Variants in ADAMTS9 observed in about 807,000 individuals in gnomAD.
ADAMTS9 encodes the protein ADAM metallopeptidase with thrombospondin type 1 motif 9, also known as A disintegrin and metalloproteinase with thrombospondin motifs 9.
Under a neutral mutation model 257.1 loss-of-function variants are expected in ADAMTS9, and 107 were observed. That is an observed-to-expected ratio of 0.42 (90% CI 0.36 to 0.49). The LOEUF (loss-of-function observed/expected upper bound fraction) is 0.49, where lower values mean the gene tolerates loss of function less well. Ranked by LOEUF, ADAMTS9 falls within the 20% of genes least tolerant of loss-of-function variation. The pLI is 0.03. For missense variants in ADAMTS9, 2,353 were observed against 2,469.1 expected, an observed-to-expected ratio of 0.95 and a Z score of 1.00; for synonymous variants, 982 against 880.9, an observed-to-expected ratio of 1.11 and a Z score of -2.03.
intron 19 of ADAMTS9, among the ~76,000 whole-genome samples, chr3:64,619,232 C>T (rs1390477784): frequency 6.6e-6 from 1 of 152,018 alleles, no homozygotes; most frequent in African/African-American, 2.4e-5. Context: ...CTCAACCAGT[C>T]TCGTTCTGAT....
At chr3:64,629,200 T>C (rs553878558) in intron 16 of ADAMTS9, among the ~76,000 whole-genome samples, 4 of 152,294 alleles carry the variant, frequency 2.6e-5, no homozygotes, top group Admixed American at 1.3e-4. Context: ...ACTGCAATGA[T>C]TTCCTAATCA....
intron 10 of ADAMTS9, among the ~76,000 whole-genome samples, chr3:64,648,591 C>A (rs1700854161): frequency 6.6e-6 from 1 of 152,078 alleles, no homozygotes; most frequent in East Asian, 1.9e-4. Flanking sequence ...TTAAAATAAA[C>A]CACACTTATA....
Position 64,546,815 on chromosome 3 carries a change from G to T in ADAMTS9, c.5007C>A (p.Pro1669=). Residue 1669 remains proline, a synonymous_variant, in exon 32 of 40, where the codon CCC becomes CCA. Transcript: ENST00000498707. ...CPGTQPPSVH[P]CYLRDCPVSA... ...AGACAGGGCAGTCCCTCAGGTAACA[G>T]GGGTGAACACTGGGGGGCTGCGTGC... 6.2e-7 allele frequency: 1 copy of T among 1,613,948 alleles called. No homozygotes were observed. Among genetic ancestry groups the T allele is most frequent in the Non-Finnish European group, 8.5e-7 (1 of 1,179,916 alleles).
At chr3:64,631,235 C>A (rs772849048) in intron 16 of ADAMTS9, among the ~76,000 whole-genome samples, 6 of 152,150 alleles carry the variant, frequency 3.9e-5, no homozygotes, top group Non-Finnish European at 5.9e-5. Context: ...AGAGTAAATC[C>A]CTTGATATCA....
At chr3:64,671,807 C>G (rs1701496980) in intron 3 of ADAMTS9, among the ~76,000 whole-genome samples, 1 of 152,140 alleles carries the variant, frequency 6.6e-6, no homozygotes, top group African/African-American at 2.4e-5. Context: ...ACAGAACATC[C>G]ATGCAGATAT....
rs377386119 is a variant in ADAMTS9, at chr3:64,654,428, G to C, written c.1241C>G (p.Pro414Arg). Residue 414 changes from proline (P) to arginine (R), a missense_variant, in exon 8 of 40, where the codon CCC (proline) becomes CGC (arginine). Coordinates refer to ENST00000498707, the MANE Select transcript of ADAMTS9 (RefSeq NM_182920.2). The stretch of plus-strand genomic sequence containing the variant: ...TTCACTAATAGAACAGCTTCTATAG[G>C]GATCACAAATGGTTCCCAGTTCAGC... ...GLAELGTICD[P>R]YRSCSISEDS... The C allele has an allele frequency of 7.0e-5, 113 of 1,613,908 alleles. No homozygotes were observed. The highest frequency in any genetic ancestry group is 8.9e-5 in the Non-Finnish European group (105 of 1,180,006).
At chr3:64,616,568 T>C (rs2084769784) in intron 19 of ADAMTS9, among the ~76,000 whole-genome samples, 1 of 152,222 alleles carries the variant, frequency 6.6e-6, no homozygotes, top group South Asian at 2.1e-4. Context: ...TTATACACTT[T>C]AAAATTAGAT....
At chr3:64,599,611 C>A (rs12496008) in intron 26 of ADAMTS9, among the ~76,000 whole-genome samples, 1 of 152,110 alleles carries the variant, frequency 6.6e-6, no homozygotes, top group Non-Finnish European at 1.5e-5. Flanking sequence ...AGGTGGGCAA[C>A]TGGACTTTCC....
At chr3:64,528,420 TC>T (rs2082936116) in intron 38 of ADAMTS9, among the ~76,000 whole-genome samples, 2 of 152,174 alleles carry the variant, frequency 1.3e-5, no homozygotes, top group African/African-American at 2.4e-5. Context: ...GGCCATGGCC[TC>T]CTTTCTGTCT....
chr3:64,573,927 T>C (rs904423885), intron 28 of ADAMTS9, among the ~76,000 whole-genome samples: 11 of 152,192 alleles, frequency 7.2e-5, no homozygotes, highest in East Asian at 3.9e-4. Context: ...TGGAAAACCA[T>C]GTGGGGCTTA....
At chr3:64,603,816 A>T in intron 25 of ADAMTS9, 106 bp downstream of exon 25, 1 of 1,269,612 alleles carries the variant, frequency 7.9e-7, no homozygotes, top group Non-Finnish European at 1.1e-6. Flanking sequence ...TCCAGCTCTG[A>T]AATATTACCC....
chr3:64,520,693 T>C (rs1297296881), intron 39 of ADAMTS9, among the ~76,000 whole-genome samples: 1 of 151,808 alleles, frequency 6.6e-6, no homozygotes. Flanking sequence ...AAATAAACAA[T>C]GGGGAAAGCA....
chr3:64,601,129 G>T (rs896300476), intron 26 of ADAMTS9, among the ~76,000 whole-genome samples: 23 of 151,746 alleles, frequency 1.5e-4, no homozygotes, highest in African/African-American at 5.6e-4. Context: ...TCAGATATTT[G>T]TCAAGGCCTC....
chr3:64,671,121 C>A (rs550515273), intron 3 of ADAMTS9, among the ~76,000 whole-genome samples: 93 of 152,230 alleles, frequency 6.1e-4, no homozygotes, highest in African/African-American at 2.1e-3. Flanking sequence ...TTGTAATGGT[C>A]AAAAACTGTC....
At chr3:64,612,931 T>C (rs1214338075) in intron 22 of ADAMTS9, among the ~76,000 whole-genome samples, 1 of 152,204 alleles carries the variant, frequency 6.6e-6, no homozygotes, top group Non-Finnish European at 1.5e-5. Flanking sequence ...TTTGTAATTG[T>C]GACATTGGGA....
chr3:64,522,405 A>T (rs1261245915), intron 38 of ADAMTS9, 145 bp from the exon 39 acceptor site: 2 of 613,604 alleles, frequency 3.3e-6, no homozygotes, highest in Non-Finnish European at 5.5e-6. Flanking sequence ...CATGGTCTAA[A>T]GCAGGGGCTG....
intron 37 of ADAMTS9, among the ~76,000 whole-genome samples, chr3:64,538,353 A>G (rs1432322245): frequency 6.6e-6 from 1 of 152,158 alleles, no homozygotes; most frequent in Admixed American, 6.5e-5. Flanking sequence ...CAGGAACCAA[A>G]GGAAACCCAG....
Position 64,584,770 on chromosome 3 carries a change from T to C in ADAMTS9, c.4356+9488A>G, listed in dbSNP as rs766809935. 8.5e-5 allele frequency among the ~76,000 whole-genome samples: 13 copies of C among 152,220 alleles called. No homozygotes were observed. The East Asian group carries it at 2.3e-3, about 27-fold the overall frequency. On this transcript the variant is annotated intron_variant, in intron 28 of 39. Coordinates refer to ENST00000498707, the MANE Select transcript of ADAMTS9 (RefSeq NM_182920.2). ...TGCTCCCCCCATCTCTCTCTCTATA[T>C]GCTATTATTATTTTGTCTTTCCCTG...
At chr3:64,661,050 C>G (rs993991415) in intron 3 of ADAMTS9, among the ~76,000 whole-genome samples, 2 of 152,170 alleles carry the variant, frequency 1.3e-5, no homozygotes, top group Non-Finnish European at 2.9e-5. Context: ...CAGATTGGTA[C>G]TATGTGTGGT....
Sources: allele counts gnomAD v4.1 joint callset (sites outside exome capture counted in the v4.1 genomes callset), GRCh38; gene constraint gnomAD v4.1.1; transcripts MANE v1.5; gene names NCBI Gene and HGNC (gene_info 2026-07-23, HGNC 2026-07-21).